Variants in CAMTA1 observed in about 807,000 individuals in gnomAD.
The protein encoded by CAMTA1 is calmodulin binding transcription activator 1.
Under a neutral mutation model 170.9 loss-of-function variants are expected in CAMTA1, and 27 were observed. The observed-to-expected ratio is 0.16, with a 90% CI of 0.12 to 0.22. The LOEUF (loss-of-function observed/expected upper bound fraction) is 0.22. Ranked by LOEUF, CAMTA1 falls within the 10% of genes least tolerant of loss-of-function variation. CAMTA1 has a pLI of 1.00. For synonymous variants in CAMTA1, 833 were observed against 891.5 expected (o/e 0.93, Z 1.17); for missense variants, 1,619 against 2,217.2 (o/e 0.73, Z 5.42).
At chr1:6,847,543 G>GTT (rs879864516) in intron 3 of CAMTA1, among the ~76,000 whole-genome samples, 12 of 138,296 alleles carry the variant, frequency 8.7e-5, no homozygotes, top group African/African-American at 1.3e-4. Context: ...TTTAAATTTT[G>GTT]TTTTTTTTTT....
chr1:7,208,003 A>T (rs925096909), intron 4 of CAMTA1, among the ~76,000 whole-genome samples: 4 of 152,248 alleles, frequency 2.6e-5, no homozygotes, highest in African/African-American at 9.6e-5. Flanking sequence ...ATGCCACGTC[A>T]TCTACTTTAT....
At position 7,565,994 on chromosome 1, in the gene CAMTA1, C is replaced by G. The variant is rs533847466; in HGVS notation, c.511-74406C>G. Among the ~76,000 whole-genome samples the G allele has an allele frequency of 9.9e-5, 15 of 152,154 alleles. No homozygotes were observed. Among genetic ancestry groups the G allele is most frequent in the Non-Finnish European group, 1.3e-4 (9 of 68,000 alleles). Reference sequence around the variant, plus strand: ...TCTTCCAATCCTATTGGATTAGGACCCTGGCCCCATGGCTTCATTGAACCT... The same window carrying G: ...TCTTCCAATCCTATTGGATTAGGACGCTGGCCCCATGGCTTCATTGAACCT... On this transcript the variant is annotated intron_variant, in intron 6 of 22. Coordinates refer to ENST00000303635, the MANE Select transcript of CAMTA1 (RefSeq NM_015215.4). This position sits in a 1 kb window ranked among gnomAD's most constrained non-coding sequence, Gnocchi z 4.5.
chr1:7,267,493 G>T (rs778509511), intron 5 of CAMTA1, among the ~76,000 whole-genome samples: 3 of 152,114 alleles, frequency 2.0e-5, no homozygotes, highest in Admixed American at 6.5e-5. Flanking sequence ...TCTATTAGGG[G>T]ACTAAGAGGG....
chr1:7,624,608 C>G (rs1021656678), intron 6 of CAMTA1, among the ~76,000 whole-genome samples: 1 of 152,168 alleles, frequency 6.6e-6, no homozygotes, highest in African/African-American at 2.4e-5. Flanking sequence ...GGCACAGCCC[C>G]CAGCACAGGG....
At chr1:7,187,543 T>C (rs1234622800) in intron 4 of CAMTA1, among the ~76,000 whole-genome samples, 1 of 152,194 alleles carries the variant, frequency 6.6e-6, no homozygotes, top group Non-Finnish European at 1.5e-5. Flanking sequence ...ACTTAAGCAT[T>C]CTAGACTTCC....
intron 14 of CAMTA1, 61 bp downstream of exon 14, chr1:7,737,070 C>T: frequency 1.4e-6 from 2 of 1,437,650 alleles, no homozygotes; most frequent in Non-Finnish European, 2.0e-6. Flanking sequence ...TAGGATTTGC[C>T]TGGTTCCCAC....
intron 11 of CAMTA1, among the ~76,000 whole-genome samples, chr1:7,717,825 A>G (rs193182197): frequency 2.0e-5 from 3 of 152,358 alleles, no homozygotes; most frequent in East Asian, 1.9e-4. Context: ...AAAGCCCATC[A>G]TAGAAATGAC....
chr1:7,395,117 G>A (rs535244893), intron 5 of CAMTA1, among the ~76,000 whole-genome samples: 7 of 152,076 alleles, frequency 4.6e-5, no homozygotes, highest in African/African-American at 9.6e-5. Context: ...TCCTGACCTC[G>A]GGTGATCCAC....
At chr1:7,705,318 C>T (rs1197878685) in intron 11 of CAMTA1, among the ~76,000 whole-genome samples, 1 of 148,838 alleles carries the variant, frequency 6.7e-6, no homozygotes. Context: ...ACGCCCGAGC[C>T]TGCGTGGGGC....
At chr1:7,535,219 C>T (rs1169788751) in intron 6 of CAMTA1, among the ~76,000 whole-genome samples, 2 of 152,156 alleles carry the variant, frequency 1.3e-5, no homozygotes, top group African/African-American at 4.8e-5. Context: ...CTCTGATTGG[C>T]CAGCATGTGT....
At chr1:7,593,599 C>T (rs535622781) in intron 6 of CAMTA1, among the ~76,000 whole-genome samples, 20 of 151,068 alleles carry the variant, frequency 1.3e-4, no homozygotes, top group Non-Finnish European at 2.8e-4. Flanking sequence ...AAGCGATTCT[C>T]CTGCCTCAGC....
At chr1:6,788,109 G>T (rs1269623670) in intron 1 of CAMTA1, among the ~76,000 whole-genome samples, 2 of 152,156 alleles carry the variant, frequency 1.3e-5, no homozygotes, top group Non-Finnish European at 2.9e-5. Context: ...TTGGACAGGG[G>T]AATGATTTGA....
intron 4 of CAMTA1, among the ~76,000 whole-genome samples, chr1:7,246,284 A>T (rs1226604627): frequency 6.6e-6 from 1 of 152,228 alleles, no homozygotes; most frequent in Non-Finnish European, 1.5e-5. Flanking sequence ...GGGTGCAAGG[A>T]TGCCAATAAT....
chr1:7,228,872 C>A (rs372262588), intron 4 of CAMTA1, among the ~76,000 whole-genome samples: 43 of 152,204 alleles, frequency 2.8e-4, no homozygotes, highest in African/African-American at 1.0e-3. Context: ...GCTGTGACAC[C>A]AAGGCCTTAG....
At chr1:6,885,086 A>G (rs1672831526) in intron 3 of CAMTA1, among the ~76,000 whole-genome samples, 2 of 152,194 alleles carry the variant, frequency 1.3e-5, no homozygotes, top group African/African-American at 4.8e-5. Flanking sequence ...AAGAACATTA[A>G]TGGCTTTCTT....
intron 1 of CAMTA1, among the ~76,000 whole-genome samples, chr1:6,792,017 G>A (rs1641245364): frequency 1.3e-5 from 2 of 151,028 alleles, no homozygotes; most frequent in East Asian, 3.9e-4. Context: ...GCCCAGGCAC[G>A]ATCTCCGCTC....
rs1165914556 is a variant in CAMTA1, at chr1:7,014,218, C to G, written c.235-77086C>G. 1 of 152,270 alleles carries G rather than the reference C, an allele frequency of 6.6e-6. No homozygotes were observed. The highest frequency in any genetic ancestry group is 1.5e-5 in the Non-Finnish European group (1 of 68,072). 9.4% of individuals were successfully genotyped at this position (152,270 alleles called of 1,614,324 possible). On this transcript the variant is annotated intron_variant, in intron 3 of 22. Coordinates refer to ENST00000303635, the MANE Select transcript of CAMTA1 (RefSeq NM_015215.4). This position sits in a 1 kb window ranked among gnomAD's most constrained non-coding sequence, Gnocchi z 4.2. Reference sequence around the variant, plus strand: ...GGTACCCTGTCTGGCTCTTGTTCTTCAAACCCCATCCAGAGGCAGGCCGGT... The same window carrying G: ...GGTACCCTGTCTGGCTCTTGTTCTTGAAACCCCATCCAGAGGCAGGCCGGT...
intron 3 of CAMTA1, among the ~76,000 whole-genome samples, chr1:6,926,172 G>A (rs1683039058): frequency 6.6e-6 from 1 of 152,220 alleles, no homozygotes. Context: ...TGTCACTAAT[G>A]ATCACTCTCA....
At chr1:7,337,958 A>G (rs1020140591) in intron 5 of CAMTA1, among the ~76,000 whole-genome samples, 2 of 147,734 alleles carry the variant, frequency 1.4e-5, no homozygotes, top group Non-Finnish European at 3.0e-5. Context: ...TTAGAAATAA[A>G]CATGTATATA....
Sources: gnomAD v4.1 joint callset for allele counts (sites outside exome capture counted in the v4.1 genomes callset) on GRCh38, gnomAD v4.1.1 for gene constraint, Gnocchi (gnomAD v3.1) non-coding constraint, MANE v1.5 for transcripts, NCBI Gene and HGNC (gene_info 2026-07-23, HGNC 2026-07-21) for gene names.